The following PRDM6 variants were observed in gnomAD, a reference collection of about 807,000 sequenced individuals.
PRDM6 encodes PR/SET domain 6, also known as putative histone-lysine N-methyltransferase PRDM6.
In PRDM6, 25 loss-of-function variants were observed where a neutral mutation model predicts 60.8. The observed-to-expected ratio is 0.41, with a 90% confidence interval of 0.30 to 0.57. The LOEUF (loss-of-function observed/expected upper bound fraction) is 0.57, where lower values mean the gene tolerates loss of function less well. Ranked by LOEUF, PRDM6 falls within the 20% of genes least tolerant of loss-of-function variation. The pLI, the probability that PRDM6 is intolerant of heterozygous loss-of-function variation, is 0.27. For missense variants in PRDM6, 839 were observed against 821.3 expected, an observed-to-expected ratio of 1.02 and a Z score of -0.26; for synonymous variants, 407 against 357.4, an observed-to-expected ratio of 1.14 and a Z score of -1.57.
chr5:123,109,510 G>T (rs1056784660), intron 3 of PRDM6, among the ~76,000 whole-genome samples: 11 of 152,086 alleles, frequency 7.2e-5, no homozygotes, highest in African/African-American at 2.7e-4. Context: ...GGTAGACCAT[G>T]ATACATCGTT....
intron 7 of PRDM6, among the ~76,000 whole-genome samples, chr5:123,186,547 C>T (rs1766293127): frequency 6.6e-6 from 1 of 152,194 alleles, no homozygotes; most frequent in African/African-American, 2.4e-5. Context: ...GACACTGTAA[C>T]CAGCTTTTGC....
At position 123,187,267 on chromosome 5, in the gene PRDM6, A is replaced by G; in HGVS notation, c.*66A>G. On this transcript the variant is annotated 3_prime_UTR_variant, in exon 8 of 8. Transcript: ENST00000407847. ...ATTAAATGTCACGGACACTTAAGCA[A>G]AACCAAAGATTTCCTCTGAGCAACT... is the stretch of plus-strand genomic sequence containing the variant. 7.9e-7 allele frequency: 1 copy of G among 1,265,762 alleles called. No homozygotes were observed. Among genetic ancestry groups the G allele is most frequent in the Non-Finnish European group, 1.1e-6 (1 of 891,180 alleles). 78.4% of individuals were successfully genotyped at this position (1,265,762 alleles called of 1,614,324 possible).
chr5:123,157,326 G>A (rs997317400), intron 4 of PRDM6, among the ~76,000 whole-genome samples: 4 of 152,006 alleles, frequency 2.6e-5, no homozygotes, highest in Non-Finnish European at 4.4e-5. Flanking sequence ...TCTGTTGTGA[G>A]GTTTTTTATA....
At chr5:123,148,606 T>A (rs1765302154) in intron 3 of PRDM6, among the ~76,000 whole-genome samples, 1 of 150,634 alleles carries the variant, frequency 6.6e-6, no homozygotes, top group Non-Finnish European at 1.5e-5. Flanking sequence ...TTTTTTTTTT[T>A]AATGTTGCTG....
rs369418081 is a variant in PRDM6, at chr5:123,187,210, C to G, written c.*9C>G. 2.0e-6 allele frequency: 3 copies of G among 1,535,786 alleles called. No homozygotes were observed. The African/African-American group carries it at 4.1e-5, about 21-fold the overall frequency. On this transcript the variant is annotated 3_prime_UTR_variant, in exon 8 of 8. Transcript: ENST00000407847. ...CAATCGAAGTGGATTAACGGATTGA[C>G]TGGTTGGAATTAAACTGCAAGGAAA...
chr5:123,180,460 A>G, intron 7 of PRDM6, 137 bp downstream of exon 7: 1 of 903,174 alleles, frequency 1.1e-6, no homozygotes, highest in Non-Finnish European at 1.6e-6. Flanking sequence ...CTGCAAACGA[A>G]TCTCTCCTTG....
At chr5:123,182,389 T>C (rs936477040) in intron 7 of PRDM6, among the ~76,000 whole-genome samples, 4 of 152,256 alleles carry the variant, frequency 2.6e-5, no homozygotes, top group Non-Finnish European at 5.9e-5. Context: ...TGGCCCCTTA[T>C]ATTAGAAAGG....
At chr5:123,115,060 T>C (rs930064892) in intron 3 of PRDM6, among the ~76,000 whole-genome samples, 1 of 152,160 alleles carries the variant, frequency 6.6e-6, no homozygotes, top group African/African-American at 2.4e-5. Flanking sequence ...TATGCAGAGC[T>C]TTGACTAGAG....
At chr5:123,185,474 C>T (rs1225111029) in intron 7 of PRDM6, among the ~76,000 whole-genome samples, 2 of 152,112 alleles carry the variant, frequency 1.3e-5, no homozygotes, top group African/African-American at 4.8e-5. Context: ...ATGAGCTGCC[C>T]ACGGACGTTA....
chr5:123,174,526 C>T (rs1765962303), intron 6 of PRDM6, among the ~76,000 whole-genome samples: 1 of 152,048 alleles, frequency 6.6e-6, no homozygotes, highest in African/African-American at 2.4e-5. Context: ...TGAAACAGGC[C>T]CTTGAATCTG....
chr5:123,098,220 C>T (rs1475369539), intron 2 of PRDM6, among the ~76,000 whole-genome samples: 1 of 152,256 alleles, frequency 6.6e-6, no homozygotes, highest in Non-Finnish European at 1.5e-5. Flanking sequence ...CCGGGTGCCC[C>T]GAGGGCCACC....
intron 3 of PRDM6, among the ~76,000 whole-genome samples, chr5:123,140,887 T>G (rs1765082445): frequency 6.6e-6 from 1 of 152,138 alleles, no homozygotes; most frequent in South Asian, 2.1e-4. Flanking sequence ...TAGGTATTAT[T>G]ATTTTTAAAG....
chr5:123,146,748 C>T (rs1459515756), intron 3 of PRDM6, among the ~76,000 whole-genome samples: 1 of 152,208 alleles, frequency 6.6e-6, no homozygotes. Flanking sequence ...TTACTGATCC[C>T]CTTCCATCTC....
intron 5 of PRDM6, among the ~76,000 whole-genome samples, chr5:123,161,307 G>A (rs1365587670): frequency 6.6e-6 from 1 of 152,188 alleles, no homozygotes; most frequent in Non-Finnish European, 1.5e-5. Context: ...AAATACAGCA[G>A]TGAACAAAAT....
At chr5:123,143,585 A>C (rs1450600520) in intron 3 of PRDM6, among the ~76,000 whole-genome samples, 1 of 152,080 alleles carries the variant, frequency 6.6e-6, no homozygotes, top group Non-Finnish European at 1.5e-5. Flanking sequence ...TACGACGCAA[A>C]TGCCCATCCA....
At chr5:123,170,033 C>T (rs2126883427) in intron 5 of PRDM6, among the ~76,000 whole-genome samples, 1 of 152,276 alleles carries the variant, frequency 6.6e-6, no homozygotes, top group Admixed American at 6.5e-5. Flanking sequence ...TCTTGCTATC[C>T]CTCTGCTCAG....
In PRDM6 at chr5:123,099,720, G is replaced by T. The variant is rs768108787; in HGVS notation, c.659G>T (p.Arg220Leu). Residue 220 changes from arginine to leucine, a missense_variant, in exon 3 of 8, where the codon CGC becomes CTC. This residue lies in a region of PRDM6 where 730 missense variants were observed against 648.8 expected (regional missense o/e 1.13). Coordinates refer to ENST00000407847, the MANE Select transcript of PRDM6 (RefSeq NM_001136239.4). The surrounding 1 kb of genome is among the most constrained non-coding windows in gnomAD (Gnocchi z 4.0). Reference protein sequence around the residue: ...CPMHGPLHSLRRLVGTSSAAA... With the variant: ...CPMHGPLHSLLRLVGTSSAAA... The stretch of plus-strand genomic sequence containing the variant: ...ATGCATGGGCCACTGCACTCGCTGC[G>T]CCGGCTTGTGGGCACCAGCAGCGCT... 849 of 1,531,766 alleles carry T rather than the reference G, an allele frequency of 5.5e-4. 1 individual carries two copies. The highest frequency in any genetic ancestry group is 6.9e-4 in the Non-Finnish European group (786 of 1,139,596). 94.9% of individuals were successfully genotyped at this position (1,531,766 alleles called of 1,614,324 possible).
chr5:123,185,209 A>T (rs1186474866), intron 7 of PRDM6, among the ~76,000 whole-genome samples: 1 of 152,178 alleles, frequency 6.6e-6, no homozygotes. Context: ...TCATATTCTA[A>T]TACACAAGAT....
At chr5:123,172,167 G>A (rs1039206996) in intron 6 of PRDM6, among the ~76,000 whole-genome samples, 5 of 152,088 alleles carry the variant, frequency 3.3e-5, no homozygotes, top group African/African-American at 1.2e-4. Context: ...CAGCTCTGGA[G>A]GGTACACAGT....
Sources: gnomAD v4.1 joint callset for allele counts (sites outside exome capture counted in the v4.1 genomes callset) on GRCh38, gnomAD v4.1.1 for gene constraint, gnomAD v4.1.1 regional missense constraint, Gnocchi (gnomAD v3.1) non-coding constraint, MANE v1.5 for transcripts, NCBI Gene and HGNC (gene_info 2026-07-23, HGNC 2026-07-21) for gene names.